MRTFB: variants seen among roughly 807,000 people sequenced by gnomAD.
MRTFB encodes myocardin-related transcription factor B.
Under a neutral mutation model 104.2 loss-of-function variants are expected in MRTFB, and 29 were observed. That is an observed-to-expected ratio of 0.28 (90% CI 0.21 to 0.38). The LOEUF (loss-of-function observed/expected upper bound fraction) is 0.38. Ranked by LOEUF, MRTFB falls within the 10% of genes least tolerant of loss-of-function variation. MRTFB has a pLI of 1.00. For missense variants in MRTFB, 1,270 were observed against 1,341.6 expected (o/e 0.95, Z 0.83); for synonymous variants, 535 against 519.5 (o/e 1.03, Z -0.41).
chr16:14,044,427 C>T, the MRTFB span, among the ~76,000 whole-genome samples: 1 of 152,206 alleles, frequency 6.6e-6, no homozygotes, highest in Non-Finnish European at 1.5e-5. Context: ...CCTCATAATC[C>T]TGGGAGGTGG....
intron 2 of MRTFB, among the ~76,000 whole-genome samples, chr16:14,125,306 T>C (rs1487094888): frequency 6.6e-6 from 1 of 152,242 alleles, no homozygotes; most frequent in East Asian, 1.9e-4. Flanking sequence ...TAGGCACACC[T>C]GCTGCCAGCC....
chr16:14,222,549 A>G (rs987368189), intron 8 of MRTFB, among the ~76,000 whole-genome samples: 3 of 143,536 alleles, frequency 2.1e-5, no homozygotes, highest in African/African-American at 7.5e-5. Flanking sequence ...GCTTAAACAC[A>G]TTTTTCTAAT....
the MRTFB span, among the ~76,000 whole-genome samples, chr16:14,039,426 C>CT: frequency 1.3e-5 from 2 of 152,136 alleles, no homozygotes; most frequent in Non-Finnish European, 2.9e-5. Context: ...CAGGTCAGCC[C>CT]TATTCATTGT....
chr16:14,036,296 T>TTTTATATA, the MRTFB span, among the ~76,000 whole-genome samples: 2 of 98,354 alleles, frequency 2.0e-5, no homozygotes, highest in African/African-American at 3.6e-5. Context: ...TTATATATAT[T>TTTTATATA]TATATATATA....
intron 3 of MRTFB, among the ~76,000 whole-genome samples, chr16:14,194,975 AT>A (rs2040368539): frequency 6.6e-6 from 1 of 152,072 alleles, no homozygotes; most frequent in Admixed American, 6.6e-5. Context: ...AGTAAAACCA[AT>A]TTCTAGGCTA....
chr16:14,044,620 T>C, the MRTFB span, among the ~76,000 whole-genome samples: 1 of 152,210 alleles, frequency 6.6e-6, no homozygotes, highest in African/African-American at 2.4e-5. Context: ...AGGTTGCTTC[T>C]GGATGTTCCA....
At chr16:13,994,804 A>C in the MRTFB span, among the ~76,000 whole-genome samples, 2 of 152,300 alleles carry the variant, frequency 1.3e-5, no homozygotes, top group African/African-American at 4.8e-5. Flanking sequence ...GTCTCTAAGA[A>C]TAAGTAATGA....
the MRTFB span, among the ~76,000 whole-genome samples, chr16:14,023,432 A>G: frequency 0.028 from 4,290 of 151,932 alleles, 184 homozygotes; most frequent in African/African-American, 0.098. Context: ...GTGACAAAAT[A>G]AGATCCTGGC....
intron 3 of MRTFB, chr16:14,200,173 G>T: frequency 1.2e-6 from 1 of 839,382 alleles, no homozygotes; most frequent in Non-Finnish European, 1.8e-6. Flanking sequence ...CCCCCAAAAT[G>T]AATGAGGATA....
At chr16:14,250,098 T>A (rs2043194359) in intron 13 of MRTFB, among the ~76,000 whole-genome samples, 1 of 152,344 alleles carries the variant, frequency 6.6e-6, no homozygotes, top group South Asian at 2.1e-4. Flanking sequence ...GTAGATAGGA[T>A]AAATAAGGGC....
intron 9 of MRTFB, among the ~76,000 whole-genome samples, chr16:14,238,356 G>T (rs952323508): frequency 1.3e-5 from 2 of 152,134 alleles, no homozygotes; most frequent in East Asian, 3.8e-4. Flanking sequence ...TGAGGGGACC[G>T]TGGGATATAG....
chr16:14,210,164 T>TTGC, intron 3 of MRTFB, 79 bp from the exon 4 acceptor site: 1 of 1,044,834 alleles, frequency 9.6e-7, no homozygotes, highest in Non-Finnish European at 1.5e-6. Flanking sequence ...TAAAGCTTAA[T>TTGC]TGCATCTCCT....
chr16:14,089,103 C>T (rs566455882), intron 2 of MRTFB, among the ~76,000 whole-genome samples: 4 of 152,134 alleles, frequency 2.6e-5, no homozygotes, highest in Non-Finnish European at 5.9e-5. Flanking sequence ...GGCCTCTGCA[C>T]GGAGGTGTTG....
chr16:14,008,405 C>G, the MRTFB span, among the ~76,000 whole-genome samples: 1 of 152,190 alleles, frequency 6.6e-6, no homozygotes, highest in Non-Finnish European at 1.5e-5. Context: ...AAGGGTCTCA[C>G]TTCATTCTTT....
At chr16:14,260,882 AC>A in intron 16 of MRTFB, 26 bp from the exon 17 acceptor site, 1 of 1,554,168 alleles carries the variant, frequency 6.4e-7, no homozygotes, top group Non-Finnish European at 8.7e-7. Context: ...ATCTTCAGTT[AC>A]TAATTACTTC....
chr16:14,226,753 T>TC (rs1353090326), intron 8 of MRTFB, among the ~76,000 whole-genome samples: 1 of 151,964 alleles, frequency 6.6e-6, no homozygotes, highest in African/African-American at 2.4e-5. Context: ...AGCAGGAGGA[T>TC]CCCTTGAGGC....
chr16:14,163,736 G>A (rs2039127279), intron 3 of MRTFB, among the ~76,000 whole-genome samples: 1 of 151,786 alleles, frequency 6.6e-6, no homozygotes, highest in Non-Finnish European at 1.5e-5. Flanking sequence ...GGGAGGCTGA[G>A]GCAGGAGAAT....
At chr16:14,085,420 G>A (rs1359792948) in intron 2 of MRTFB, among the ~76,000 whole-genome samples, 2 of 137,488 alleles carry the variant, frequency 1.5e-5, no homozygotes, top group Non-Finnish European at 3.0e-5. Flanking sequence ...TCGCACCACT[G>A]CACTCCAGCC....
chr16:14,184,492 G>T (rs2039877474), intron 3 of MRTFB, among the ~76,000 whole-genome samples: 1 of 152,168 alleles, frequency 6.6e-6, no homozygotes, highest in Non-Finnish European at 1.5e-5. Context: ...AAAGTGCTGG[G>T]ATTATAGGCG....
Sources: allele counts gnomAD v4.1 joint callset (sites outside exome capture counted in the v4.1 genomes callset), GRCh38; gene constraint gnomAD v4.1.1; transcripts MANE v1.5; gene names NCBI Gene and HGNC (gene_info 2026-07-23, HGNC 2026-07-21).